EP400: variants seen among roughly 807,000 people sequenced by gnomAD.
The protein encoded by EP400 is E1A binding protein p400.
In EP400, 105 loss-of-function variants were observed where a neutral mutation model predicts 354.1. The observed-to-expected ratio is 0.30, with a 90% CI of 0.25 to 0.35. The LOEUF is 0.35. EP400 is among the 10% of genes least tolerant of loss of function. The pLI is 1.00. For missense variants in EP400, 3,280 were observed against 4,121.0 expected, an observed-to-expected ratio of 0.80 and a Z score of 5.59; for synonymous variants, 1,646 against 1,716.9, an observed-to-expected ratio of 0.96 and a Z score of 1.02.
rs1029204465 is a variant in EP400 at position 132,017,241 on chromosome 12, G to A, written c.3924-294G>A. ...GCCCCTCACTTTGCTCATCCCCCTTGGATGCCCCCACTTCTCTTTCAGAGC... is the reference window on the plus strand; with the variant it reads ...GCCCCTCACTTTGCTCATCCCCCTTAGATGCCCCCACTTCTCTTTCAGAGC... On this transcript the variant is annotated intron_variant, in intron 19 of 52. Transcript: ENST00000389561. The surrounding 1 kb of genome is among the most constrained non-coding windows in gnomAD (Gnocchi z 5.0). Among the ~76,000 whole-genome samples, 7 of 152,204 alleles carry A rather than the reference G, an allele frequency of 4.6e-5. No individual in the cohort carries two copies. The highest frequency in any genetic ancestry group is 7.3e-5 in the Non-Finnish European group (5 of 68,034).
chr12:132,009,875 A>G (rs1386603150), intron 15 of EP400, among the ~76,000 whole-genome samples: 2 of 107,374 alleles, frequency 1.9e-5, no homozygotes, highest in African/African-American at 7.7e-5. Flanking sequence ...AGGTCTTACT[A>G]TGTTACCCTG....
chr12:131,964,984 A>C (rs1217093750), intron 2 of EP400, among the ~76,000 whole-genome samples: 1 of 152,324 alleles, frequency 6.6e-6, no homozygotes, highest in African/African-American at 2.4e-5. Context: ...GTCTTTCATG[A>C]CCTTGGCTTT....
chr12:131,991,302 T>C, intron 9 of EP400, 105 bp from the exon 10 acceptor site: 1 of 1,098,388 alleles, frequency 9.1e-7, no homozygotes. Context: ...CGTCCTTCCT[T>C]TCCCTGCACG....
At chr12:131,963,580 A>C in intron 2 of EP400, 1 of 1,598,488 alleles carries the variant, frequency 6.3e-7, no homozygotes, top group Non-Finnish European at 8.5e-7. Flanking sequence ...TCCCGTTGCT[A>C]TAGCAACCCA....
intron 48 of EP400, 124 bp from the exon 49 acceptor site, chr12:132,066,650 G>A: frequency 6.8e-6 from 7 of 1,026,436 alleles, no homozygotes; most frequent in Non-Finnish European, 9.9e-6. Context: ...TTCCTGTTGG[G>A]CCACTTTAAA....
At chr12:132,042,949 A>G (rs1003652320) in intron 32 of EP400, among the ~76,000 whole-genome samples, 11 of 152,310 alleles carry the variant, frequency 7.2e-5, no homozygotes, top group African/African-American at 2.4e-4. Context: ...AGTGGTGTGC[A>G]TCGGGTCTGA....
intron 2 of EP400, among the ~76,000 whole-genome samples, chr12:131,974,676 T>TCATAATGG (rs1243077657): frequency 1.3e-5 from 2 of 152,134 alleles, no homozygotes; most frequent in African/African-American, 4.8e-5. Context: ...TAAAGAATTG[T>TCATAATGG]CATAATGGTT....
intron 5 of EP400, among the ~76,000 whole-genome samples, chr12:131,984,742 A>C (rs1892797671): frequency 6.6e-6 from 1 of 151,074 alleles, no homozygotes; most frequent in Non-Finnish European, 1.5e-5. Context: ...TCTGTCCCTC[A>C]GGGTGGAGCG....
Position 132,065,263 on chromosome 12 carries a change from G to A in EP400, c.8553+377G>A, listed in dbSNP as rs186601097. 824 of 265,842 alleles carry A rather than the reference G, an allele frequency of 3.1e-3. 1 individual carries two copies. Among genetic ancestry groups the A allele is most frequent in the Admixed American group, 4.5e-3 (96 of 21,240 alleles). 16.5% of individuals were successfully genotyped at this position (265,842 alleles called of 1,614,324 possible). Reference sequence around the variant, plus strand: ...TAAGCCGTAGGCATGGGCAGGTGGCGGTCTCTGAAGCTGCTCTCAGGTGAC... The same window carrying A: ...TAAGCCGTAGGCATGGGCAGGTGGCAGTCTCTGAAGCTGCTCTCAGGTGAC... On this transcript the variant is annotated intron_variant, in intron 48 of 52. Transcript: ENST00000389561.
chr12:132,014,032 A>G, intron 19 of EP400, 119 bp downstream of exon 19: 2 of 1,384,222 alleles, frequency 1.4e-6, no homozygotes, highest in Admixed American at 4.6e-5. Context: ...CTGGAGCTGG[A>G]GACCGAGGCA....
intron 2 of EP400, chr12:131,963,740 T>G: frequency 1.1e-6 from 1 of 876,482 alleles, no homozygotes; most frequent in Non-Finnish European, 1.7e-6. Flanking sequence ...CAGCATTTTT[T>G]TTCCAGAGCC....
intron 12 of EP400, among the ~76,000 whole-genome samples, chr12:132,002,198 T>C (rs1286448104): frequency 6.6e-6 from 1 of 152,230 alleles, no homozygotes; most frequent in Non-Finnish European, 1.5e-5. Flanking sequence ...TGTCTCTAAA[T>C]TGGAGTGTTT....
In EP400 at chr12:132,013,625, C is replaced by T. The variant is rs117748869; in HGVS notation, c.3747C>T (p.Ser1249=). Residue 1249 remains serine (S), a synonymous_variant, in exon 18 of 53, where the codon AGC becomes AGT. Transcript: ENST00000389561. The surrounding 1 kb of genome is among the most constrained non-coding windows in gnomAD (Gnocchi z 4.5). ...CTCTGAGGGCCCCCAGTGAAGAGAG[C>T]CAGGATTACTACCATAAAGTGGTCA... is the stretch of plus-strand genomic sequence containing the variant. The part of the protein sequence containing the change: ...SSPLRAPSEE[S]QDYYHKVVIR... 8,118 of 1,613,332 alleles carry T rather than the reference C, an allele frequency of 5.0e-3. 29 individuals carry two copies. The highest frequency in any genetic ancestry group is 5.9e-3 in the Non-Finnish European group (6,985 of 1,179,650).
chr12:132,021,067 T>G lies in EP400; in HGVS notation c.4448-12T>G. The G allele has an allele frequency of 1.3e-6, 2 of 1,589,124 alleles. No homozygotes were observed. The highest frequency in any genetic ancestry group is 1.7e-6 in the Non-Finnish European group (2 of 1,173,568). On this transcript the variant is annotated splice_polypyrimidine_tract_variant and intron_variant, in intron 22 of 52. Coordinates refer to ENST00000389561, the MANE Select transcript of EP400 (RefSeq NM_015409.5). Reference sequence around the variant, plus strand: ...CTAACAGCTTTGCACAAACAAACCTTATCGATTGCAGCAGCAGCAGCCCCG... The same window carrying G: ...CTAACAGCTTTGCACAAACAAACCTGATCGATTGCAGCAGCAGCAGCCCCG...
intron 23 of EP400, 84 bp from the exon 24 acceptor site, chr12:132,023,693 T>C (rs1894203282): frequency 1.4e-6 from 2 of 1,383,280 alleles, no homozygotes; most frequent in South Asian, 2.6e-5. Flanking sequence ...ATGGTCATTA[T>C]ATACAAGAAA....
At chr12:132,033,138 G>A (rs1894581167) in intron 30 of EP400, among the ~76,000 whole-genome samples, 2 of 151,268 alleles carry the variant, frequency 1.3e-5, no homozygotes, top group African/African-American at 4.9e-5. Context: ...AGTAGAAACG[G>A]GGTTTCACCA....
intron 16 of EP400, 70 bp from the exon 17 acceptor site, chr12:132,012,939 G>A (rs1171602606): frequency 6.8e-7 from 1 of 1,467,876 alleles, no homozygotes. Flanking sequence ...TTTGGGAAGT[G>A]TGTGTCCTCA....
rs890783414 is a variant in EP400, at chr12:132,018,071, G to A, written c.4111-139G>A. On this transcript the variant is annotated intron_variant, in intron 20 of 52. Transcript: ENST00000389561. The surrounding 1 kb of genome is among the most constrained non-coding windows in gnomAD (Gnocchi z 4.0). ...AGCACCTGTGTATTGGCACGGAGGAGGGTCTGCTTGCCGAGTGGCCGTTAG... is the reference window on the plus strand; with the variant it reads ...AGCACCTGTGTATTGGCACGGAGGAAGGTCTGCTTGCCGAGTGGCCGTTAG... 2.1e-5 allele frequency: 21 copies of A among 1,004,840 alleles called. No homozygotes were observed. The highest frequency in any genetic ancestry group is 8.8e-6 in the Non-Finnish European group (6 of 679,574). The allele number at this position is 1,004,840 out of a possible 1,614,324, so 62.2% of individuals were successfully genotyped here.
intron 2 of EP400, among the ~76,000 whole-genome samples, chr12:131,976,484 C>T (rs559400818): frequency 1.2e-4 from 19 of 152,130 alleles, no homozygotes; most frequent in Admixed American, 2.6e-4. Context: ...GAGGCTGAGG[C>T]GGGTGGATCA....
Sources: gnomAD v4.1 joint callset for allele counts (sites outside exome capture counted in the v4.1 genomes callset) on GRCh38, gnomAD v4.1.1 for gene constraint, Gnocchi (gnomAD v3.1) non-coding constraint, MANE v1.5 for transcripts, NCBI Gene and HGNC (gene_info 2026-07-23, HGNC 2026-07-21) for gene names.